The following CDH4 variants were observed in gnomAD, a reference collection of about 807,000 sequenced individuals.
CDH4 encodes cadherin 4.
Under a neutral mutation model 86.0 loss-of-function variants are expected in CDH4, and 33 were observed. The observed-to-expected ratio is 0.38, with a 90% CI of 0.29 to 0.51. The LOEUF (loss-of-function observed/expected upper bound fraction) is 0.51. Ranked by LOEUF, CDH4 falls within the 20% of genes least tolerant of loss-of-function variation. The pLI is 0.86. For missense variants in CDH4, 1,114 were observed against 1,307.4 expected, an observed-to-expected ratio of 0.85 and a Z score of 2.28; for synonymous variants, 555 against 549.4, an observed-to-expected ratio of 1.01 and a Z score of -0.14.
intron 2 of CDH4, among the ~76,000 whole-genome samples, chr20:61,625,218 C>T (rs2086819411): frequency 6.6e-6 from 1 of 152,172 alleles, no homozygotes; most frequent in East Asian, 1.9e-4. Flanking sequence ...CAGAGGCACC[C>T]GGACCCAGGC....
intron 2 of CDH4, among the ~76,000 whole-genome samples, chr20:61,736,050 G>A (rs576426723): frequency 2.0e-5 from 3 of 152,306 alleles, no homozygotes; most frequent in South Asian, 2.1e-4. Flanking sequence ...CAGAGGATGC[G>A]GGACCTCCTG....
At chr20:61,798,116 G>A (rs1979634109) in intron 4 of CDH4, among the ~76,000 whole-genome samples, 1 of 152,180 alleles carries the variant, frequency 6.6e-6, no homozygotes, top group Non-Finnish European at 1.5e-5. Context: ...CCTCGCCCGG[G>A]TCACACCGTC....
chr20:61,785,079 G>C (rs967347064), intron 4 of CDH4, among the ~76,000 whole-genome samples: 3 of 152,170 alleles, frequency 2.0e-5, no homozygotes, highest in Admixed American at 6.5e-5. Flanking sequence ...GGCGGGGTCA[G>C]GACACTCCTC....
Position 61,480,584 on chromosome 20 carries a change from G to A in CDH4, c.169+225647G>A, listed in dbSNP as rs549856237. Among the ~76,000 whole-genome samples, 10 of 152,332 alleles carry A rather than the reference G, an allele frequency of 6.6e-5. No individual in the cohort carries two copies. The highest frequency in any genetic ancestry group is 2.2e-4 in the African/African-American group (9 of 41,572). On this transcript the variant is annotated intron_variant, in intron 2 of 15. Coordinates refer to ENST00000614565, the MANE Select transcript of CDH4 (RefSeq NM_001794.5). This position sits in a 1 kb window ranked among gnomAD's most constrained non-coding sequence, Gnocchi z 5.2. The stretch of plus-strand genomic sequence containing the variant: ...CGTCCTGACCGGGGCCTGGTGGCTG[G>A]CTGCCTGCTAGGCTGACACAGGGGA...
intron 2 of CDH4, among the ~76,000 whole-genome samples, chr20:61,341,091 C>T (rs2123282593): frequency 6.6e-6 from 1 of 152,334 alleles, no homozygotes; most frequent in South Asian, 2.1e-4. Flanking sequence ...CAGTCACGAT[C>T]CTGGCCTTCA....
In CDH4 at chr20:61,871,381, T is replaced by C. The variant is rs143244709; in HGVS notation, c.878-2347T>C. On this transcript the variant is annotated intron_variant, in intron 6 of 15. Coordinates refer to ENST00000614565, the MANE Select transcript of CDH4 (RefSeq NM_001794.5). Reference sequence around the variant, plus strand: ...CTTCTCATTGCCACATTGAAAGTTTTGTGCTCTTTTAAAAAGGAGGCTGTG... The same window carrying C: ...CTTCTCATTGCCACATTGAAAGTTTCGTGCTCTTTTAAAAAGGAGGCTGTG... 5.9e-3 allele frequency among the ~76,000 whole-genome samples: 896 copies of C among 152,320 alleles called. 10 individuals are homozygous for C. The highest frequency in any genetic ancestry group is 0.021 in the African/African-American group (854 of 41,564).
chr20:61,812,693 C>A (rs1476001324), intron 4 of CDH4, among the ~76,000 whole-genome samples: 1 of 152,242 alleles, frequency 6.6e-6, no homozygotes, highest in Non-Finnish European at 1.5e-5. Context: ...TGCCAGCCAA[C>A]GCCCTTTGGG....
chr20:61,529,621 T>C (rs760422924), intron 2 of CDH4, among the ~76,000 whole-genome samples: 2 of 152,226 alleles, frequency 1.3e-5, no homozygotes, highest in African/African-American at 4.8e-5. Flanking sequence ...TTGGGAATTA[T>C]GTCTGCTGTT....
chr20:61,707,733 C>T (rs563315948), intron 2 of CDH4, among the ~76,000 whole-genome samples: 86 of 152,280 alleles, frequency 5.6e-4, no homozygotes, highest in African/African-American at 1.9e-3. Flanking sequence ...TGTCCCACCT[C>T]GGATCATCAG....
At chr20:61,293,935 G>A (rs1433470893) in intron 2 of CDH4, among the ~76,000 whole-genome samples, 9 of 152,142 alleles carry the variant, frequency 5.9e-5, no homozygotes, top group Non-Finnish European at 1.2e-4. Context: ...ATGCCCGTAG[G>A]CACAGGGAAG....
chr20:61,691,849 G>T (rs943901583), intron 2 of CDH4, among the ~76,000 whole-genome samples: 2 of 151,996 alleles, frequency 1.3e-5, no homozygotes, highest in African/African-American at 4.8e-5. Flanking sequence ...CGCAGCACAT[G>T]ACTGTGTATC....
intron 2 of CDH4, among the ~76,000 whole-genome samples, chr20:61,685,540 G>C (rs569165890): frequency 2.0e-5 from 3 of 152,192 alleles, no homozygotes; most frequent in Non-Finnish European, 4.4e-5. Context: ...GCCGCTCCTC[G>C]GCCCCACCAC....
chr20:61,763,993 C>T (rs572315325), intron 3 of CDH4, among the ~76,000 whole-genome samples: 31 of 152,312 alleles, frequency 2.0e-4, no homozygotes, highest in Non-Finnish European at 7.3e-5. Context: ...CTTTGTCTCT[C>T]GCTTGCGAGT....
At chr20:61,900,878 G>A (rs2427233) in intron 8 of CDH4, among the ~76,000 whole-genome samples, 119,403 of 151,788 alleles carry the variant, frequency 0.79, 48,124 homozygotes, top group Non-Finnish European at 0.88. Flanking sequence ...GAATATTCCC[G>A]GATATCAGTC....
At chr20:61,637,775 C>G (rs906001608) in intron 2 of CDH4, among the ~76,000 whole-genome samples, 22 of 152,220 alleles carry the variant, frequency 1.4e-4, no homozygotes, top group Non-Finnish European at 2.5e-4. Flanking sequence ...AATCCCAGCA[C>G]TTTGGGAGGC....
At chr20:61,792,652 G>A (rs988195177) in intron 4 of CDH4, among the ~76,000 whole-genome samples, 3 of 152,048 alleles carry the variant, frequency 2.0e-5, no homozygotes, top group Admixed American at 6.6e-5. Flanking sequence ...GTGTGTGTGT[G>A]TGTGTATTTT....
chr20:61,699,985 G>A (rs1449484227), intron 2 of CDH4, among the ~76,000 whole-genome samples: 1 of 152,224 alleles, frequency 6.6e-6, no homozygotes, highest in Non-Finnish European at 1.5e-5. Flanking sequence ...GCAGGTGGCT[G>A]CTGAGGAACG....
chr20:61,331,751 C>G (rs1300443392), intron 2 of CDH4, among the ~76,000 whole-genome samples: 2 of 152,030 alleles, frequency 1.3e-5, no homozygotes, highest in African/African-American at 4.8e-5. Flanking sequence ...GGCACTGTCC[C>G]CAGGTCCCCT....
At chr20:61,332,607 A>C (rs1326277413) in intron 2 of CDH4, among the ~76,000 whole-genome samples, 1 of 152,200 alleles carries the variant, frequency 6.6e-6, no homozygotes, top group Non-Finnish European at 1.5e-5. Context: ...AGTTACCTCC[A>C]GTTAACTTCA....
Sources: allele counts gnomAD v4.1 joint callset (sites outside exome capture counted in the v4.1 genomes callset), GRCh38; gene constraint gnomAD v4.1.1; non-coding constraint Gnocchi (gnomAD v3.1); transcripts MANE v1.5; gene names NCBI Gene and HGNC (gene_info 2026-07-23, HGNC 2026-07-21).